Variants in IMMP2L observed in about 807,000 individuals in gnomAD.
IMMP2L encodes inner mitochondrial membrane peptidase subunit 2, also known as mitochondrial inner membrane protease subunit 2.
Under a neutral mutation model 19.3 loss-of-function variants are expected in IMMP2L, and 18 were observed. That is an observed-to-expected ratio of 0.93 (90% confidence interval 0.64 to 1.38). The LOEUF (loss-of-function observed/expected upper bound fraction) is 1.38, where lower values mean the gene tolerates loss of function less well. Among genes scored for constraint, IMMP2L ranks in the 40% most tolerant of loss-of-function variants. The pLI, the probability that IMMP2L is intolerant of heterozygous loss-of-function variation, is 0.00. For missense variants in IMMP2L, 233 were observed against 218.2 expected, an observed-to-expected ratio of 1.07 and a Z score of -0.43; for synonymous variants, 76 against 73.0, an observed-to-expected ratio of 1.04 and a Z score of -0.21.
chr7:110,672,995 G>A (rs531326095), intron 5 of IMMP2L, among the ~76,000 whole-genome samples: 2 of 152,322 alleles, frequency 1.3e-5, no homozygotes, highest in African/African-American at 2.4e-5. Flanking sequence ...CAGTGCCCCA[G>A]TGGGGACTCT....
At chr7:111,012,597 T>C (rs534719244) in intron 3 of IMMP2L, among the ~76,000 whole-genome samples, 6 of 152,242 alleles carry the variant, frequency 3.9e-5, no homozygotes, top group Admixed American at 1.3e-4. Context: ...TAACAGAAAT[T>C]ATGTTTTAGA....
intron 5 of IMMP2L, among the ~76,000 whole-genome samples, chr7:110,733,972 G>A (rs1796449810): frequency 6.6e-6 from 1 of 152,108 alleles, no homozygotes; most frequent in Non-Finnish European, 1.5e-5. Flanking sequence ...TTTCTACTAT[G>A]TAGAAATTAC....
intron 3 of IMMP2L, among the ~76,000 whole-genome samples, chr7:111,323,191 G>A (rs970642828): frequency 5.9e-5 from 9 of 151,844 alleles, no homozygotes; most frequent in African/African-American, 2.2e-4. Context: ...CAAAAAGCTG[G>A]TTCTTTCAGG....
intron 5 of IMMP2L, among the ~76,000 whole-genome samples, chr7:110,749,514 A>T (rs1797593048): frequency 6.6e-6 from 1 of 152,192 alleles, no homozygotes; most frequent in Admixed American, 6.5e-5. Flanking sequence ...CATCAATGAT[A>T]GGCTGGATAA....
intron 5 of IMMP2L, among the ~76,000 whole-genome samples, chr7:110,669,052 CGTGTGTGTGTGTGT>C (rs1165734674): frequency 0.056 from 3,666 of 65,302 alleles, 185 homozygotes; most frequent in African/African-American, 0.17. Context: ...TGTGTGTGTG[CGTGTGTGTGTGTGT>C]GTGTGTGTGT....
At chr7:111,048,029 G>A (rs978606923) in intron 3 of IMMP2L, among the ~76,000 whole-genome samples, 1 of 151,820 alleles carries the variant, frequency 6.6e-6, no homozygotes, top group African/African-American at 2.4e-5. Flanking sequence ...CACAAGGTCA[G>A]AAGATTGAGA....
intron 3 of IMMP2L, among the ~76,000 whole-genome samples, chr7:111,082,466 T>A (rs1795964718): frequency 6.6e-6 from 1 of 152,208 alleles, no homozygotes; most frequent in Non-Finnish European, 1.5e-5. Flanking sequence ...CATTTTTTGT[T>A]CTCCTCATTT....
At chr7:111,043,403 ATCTCAACAG>A (rs71654793) in intron 3 of IMMP2L, among the ~76,000 whole-genome samples, 1,756 of 152,334 alleles carry the variant, frequency 0.012, 33 homozygotes, top group African/African-American at 0.039. Flanking sequence ...CAACGTTAAC[ATCTCAACAG>A]TTTATTTATA....
At chr7:111,073,650 C>T (rs1371732725) in intron 3 of IMMP2L, among the ~76,000 whole-genome samples, 1 of 152,116 alleles carries the variant, frequency 6.6e-6, no homozygotes, top group Admixed American at 6.5e-5. Flanking sequence ...TTTACTTCAA[C>T]TTTGAGTACA....
At chr7:111,161,946 A>T (rs1028107773) in intron 3 of IMMP2L, among the ~76,000 whole-genome samples, 11 of 152,098 alleles carry the variant, frequency 7.2e-5, no homozygotes, top group African/African-American at 2.7e-4. Context: ...ATATTACGAT[A>T]TGCTTTAAAT....
intron 3 of IMMP2L, among the ~76,000 whole-genome samples, chr7:111,096,358 T>C (rs1172554484): frequency 6.6e-6 from 1 of 151,762 alleles, no homozygotes; most frequent in Non-Finnish European, 1.5e-5. Context: ...AAATGTTAGT[T>C]CCCTTTTTAT....
chr7:111,083,688 G>A (rs1483236658), intron 3 of IMMP2L, among the ~76,000 whole-genome samples: 1 of 152,198 alleles, frequency 6.6e-6, no homozygotes, highest in African/African-American at 2.4e-5. Flanking sequence ...GTCCCTGACT[G>A]CCTCACGGTA....
At chr7:111,413,870 T>C (rs763053676) in intron 3 of IMMP2L, among the ~76,000 whole-genome samples, 9 of 151,706 alleles carry the variant, frequency 5.9e-5, no homozygotes, top group Non-Finnish European at 1.2e-4. Flanking sequence ...AGCTTCTCTT[T>C]CTGCTTCCGA....
At chr7:111,113,775 A>G (rs893154960) in intron 3 of IMMP2L, among the ~76,000 whole-genome samples, 4 of 152,158 alleles carry the variant, frequency 2.6e-5, no homozygotes, top group African/African-American at 9.7e-5. Flanking sequence ...CTGTCATTCA[A>G]GCAGGGGAAT....
chr7:111,016,309 A>C (rs1825520014), intron 3 of IMMP2L, among the ~76,000 whole-genome samples: 2 of 146,794 alleles, frequency 1.4e-5, no homozygotes, highest in Non-Finnish European at 3.0e-5. Flanking sequence ...TTCCCTGTCA[A>C]ACTTGAAAAA....
rs1288154414 is a variant in IMMP2L, at chr7:111,123,241, C to T, written c.240-159676G>A. The T allele has an allele frequency of 1.2e-6, 2 of 1,613,856 alleles. No homozygotes were observed. The highest frequency in any genetic ancestry group is 1.7e-5 in the Admixed American group (1 of 59,952). On this transcript the variant is annotated intron_variant, in intron 3 of 5. Transcript: ENST00000405709. The surrounding 1 kb of genome is among the most constrained non-coding windows in gnomAD (Gnocchi z 6.4). ...TCACAACTTGCTTTCTACAATTTCA[C>T]CTGGAGCCTTTATTGGCCTACATAA... is the stretch of plus-strand genomic sequence containing the variant.
At chr7:111,546,054 C>T (rs1307913929) in intron 1 of IMMP2L, among the ~76,000 whole-genome samples, 1 of 152,054 alleles carries the variant, frequency 6.6e-6, no homozygotes, top group Non-Finnish European at 1.5e-5. Flanking sequence ...TATATATAAA[C>T]TGCCTTATTT....
At chr7:111,525,318 C>T (rs1412564916) in intron 1 of IMMP2L, among the ~76,000 whole-genome samples, 1 of 151,978 alleles carries the variant, frequency 6.6e-6, no homozygotes, top group Non-Finnish European at 1.5e-5. Flanking sequence ...AGATAAAGCA[C>T]ACAGGAAGTG....
intron 3 of IMMP2L, among the ~76,000 whole-genome samples, chr7:111,291,335 C>T (rs1395076800): frequency 2.0e-5 from 3 of 152,154 alleles, no homozygotes; most frequent in South Asian, 2.1e-4. Context: ...CCCTCCTGGG[C>T]GATGGCCCAC....
Sources: allele counts gnomAD v4.1 joint callset (sites outside exome capture counted in the v4.1 genomes callset), GRCh38; gene constraint gnomAD v4.1.1; non-coding constraint Gnocchi (gnomAD v3.1); transcripts MANE v1.5; gene names NCBI Gene and HGNC (gene_info 2026-07-23, HGNC 2026-07-21).